The following RALYL variants were observed in gnomAD, a reference collection of about 807,000 sequenced individuals.
RALYL encodes the protein RALY RNA binding protein like.
A neutral mutation model predicts 35.1 loss-of-function variants in RALYL; 29 were observed. The observed-to-expected ratio is 0.83, with a 90% CI of 0.61 to 1.13. The LOEUF (loss-of-function observed/expected upper bound fraction) is 1.13. RALYL is among the 50% of genes most tolerant of loss of function. The probability of loss-of-function intolerance (pLI) is 0.00; values close to 1 mark genes in which losing one functional copy is unlikely to be tolerated. For missense variants in RALYL, 359 were observed against 360.4 expected (o/e 1.00, Z 0.03); for synonymous variants, 120 against 127.6 (o/e 0.94, Z 0.40).
At chr8:84,754,640 C>T (rs572506689) in intron 2 of RALYL, among the ~76,000 whole-genome samples, 2 of 152,294 alleles carry the variant, frequency 1.3e-5, no homozygotes, top group East Asian at 3.9e-4. Context: ...ACCATTCTCT[C>T]CTTTTTCAGT....
intron 2 of RALYL, among the ~76,000 whole-genome samples, chr8:84,626,265 C>T (rs1175951754): frequency 6.6e-6 from 1 of 152,164 alleles, no homozygotes; most frequent in East Asian, 1.9e-4. Flanking sequence ...GAATTCCAGG[C>T]TGTGCCACTA....
chr8:84,612,946 T>C (rs1818642093), intron 2 of RALYL, among the ~76,000 whole-genome samples: 2 of 151,768 alleles, frequency 1.3e-5, no homozygotes, highest in South Asian at 4.1e-4. Context: ...GTTTTCGTAG[T>C]AAAATTTACT....
chr8:84,790,665 C>G (rs1820559324), intron 3 of RALYL, among the ~76,000 whole-genome samples: 1 of 151,906 alleles, frequency 6.6e-6, no homozygotes, highest in African/African-American at 2.4e-5. Flanking sequence ...TTTAATTGAG[C>G]AAAAAACGAT....
Position 84,518,247 on chromosome 8 carries a change from C to A in RALYL, c.-23-11052C>A, listed in dbSNP as rs140049253. On this transcript the variant is annotated intron_variant, in intron 1 of 8. Transcript: ENST00000521268. ...AACCTTGACTAAGCTTAAACATTAG[C>A]TTTTATTAGAGAAAAAGCATCCATA... is the stretch of plus-strand genomic sequence containing the variant. Among the ~76,000 whole-genome samples the A allele has an allele frequency of 3.2e-3, 488 of 152,188 alleles. 4 individuals are homozygous for A. The highest frequency in any genetic ancestry group is 0.011 in the African/African-American group (476 of 41,518).
chr8:84,765,918 A>G (rs1437929852), intron 2 of RALYL, among the ~76,000 whole-genome samples: 1 of 152,036 alleles, frequency 6.6e-6, no homozygotes, highest in East Asian at 1.9e-4. Context: ...ACTTATTCAC[A>G]TTTAGAAGAT....
In RALYL at chr8:84,330,718, G is replaced by A. The variant is rs530650548; in HGVS notation, c.-24+146294G>A. Among the ~76,000 whole-genome samples, 38 of 152,048 alleles carry A rather than the reference G, an allele frequency of 2.5e-4. 2 individuals are homozygous for A. The South Asian group carries it at 5.8e-3, about 23-fold the overall frequency. On this transcript the variant is annotated intron_variant, in intron 1 of 8. Transcript: ENST00000521268. ...TTTGGCATTTCACAAAATTCTACCCGACTCACTTCCTTTGTCCAGCTTTCT... is the reference window on the plus strand; with the variant it reads ...TTTGGCATTTCACAAAATTCTACCCAACTCACTTCCTTTGTCCAGCTTTCT...
At chr8:84,196,772 C>T (rs1815404051) in intron 1 of RALYL, among the ~76,000 whole-genome samples, 1 of 152,172 alleles carries the variant, frequency 6.6e-6, no homozygotes, top group Non-Finnish European at 1.5e-5. Flanking sequence ...ATTTCAATTT[C>T]AGCTTTCACT....
intron 7 of RALYL, among the ~76,000 whole-genome samples, chr8:84,887,095 C>T (rs1843013705): frequency 6.8e-6 from 1 of 147,544 alleles, no homozygotes; most frequent in Admixed American, 6.7e-5. Context: ...GACATGTTGT[C>T]TGAAAAACAA....
At chr8:84,565,585 T>A (rs898389376) in intron 2 of RALYL, among the ~76,000 whole-genome samples, 8 of 151,590 alleles carry the variant, frequency 5.3e-5, no homozygotes, top group African/African-American at 1.9e-4. Context: ...TAGAATTTTT[T>A]TGAAAAATTA....
At chr8:84,890,505 T>G (rs1313527705) in intron 8 of RALYL, among the ~76,000 whole-genome samples, 1 of 152,180 alleles carries the variant, frequency 6.6e-6, no homozygotes, top group African/African-American at 2.4e-5. Flanking sequence ...CAAGAATTAA[T>G]AGAGTAGTAT....
chr8:84,310,004 G>T (rs572680641), intron 1 of RALYL, among the ~76,000 whole-genome samples: 2 of 152,016 alleles, frequency 1.3e-5, no homozygotes, highest in East Asian at 3.9e-4. Flanking sequence ...TGAAATTACA[G>T]GCGTGAGCCA....
chr8:84,514,686 A>T (rs1174952917), intron 1 of RALYL, among the ~76,000 whole-genome samples: 1 of 152,184 alleles, frequency 6.6e-6, no homozygotes, highest in African/African-American at 2.4e-5. Flanking sequence ...CTAAATTCCA[A>T]CATACAAATT....
intron 2 of RALYL, among the ~76,000 whole-genome samples, chr8:84,740,265 A>C (rs561623840): frequency 3.2e-4 from 48 of 152,126 alleles, no homozygotes; most frequent in Middle Eastern, 3.4e-3. Flanking sequence ...TGATTTCAAA[A>C]CTTGGAGCAA....
At chr8:84,400,121 G>GA (rs561838543) in intron 1 of RALYL, among the ~76,000 whole-genome samples, 89 of 147,820 alleles carry the variant, frequency 6.0e-4, no homozygotes, top group Admixed American at 1.8e-3. Flanking sequence ...GTCTCAAAAA[G>GA]AAAAAAAAAA....
At chr8:84,250,085 T>A (rs1443859762) in intron 1 of RALYL, among the ~76,000 whole-genome samples, 1 of 152,012 alleles carries the variant, frequency 6.6e-6, no homozygotes, top group African/African-American at 2.4e-5. Context: ...GCTGAGACAA[T>A]ACAGAAAGGA....
intron 2 of RALYL, among the ~76,000 whole-genome samples, chr8:84,567,014 T>G (rs764471458): frequency 1.3e-5 from 2 of 151,754 alleles, no homozygotes; most frequent in African/African-American, 2.4e-5. Context: ...TCATTTGTAT[T>G]GAATATGGAA....
intron 1 of RALYL, among the ~76,000 whole-genome samples, chr8:84,502,577 A>T (rs1292325232): frequency 6.6e-6 from 1 of 152,132 alleles, no homozygotes; most frequent in African/African-American, 2.4e-5. Context: ...TTGTAAAAAG[A>T]TGACTAAGAA....
chr8:84,710,979 T>A (rs1457586963), intron 2 of RALYL, among the ~76,000 whole-genome samples: 1 of 152,048 alleles, frequency 6.6e-6, no homozygotes, highest in Non-Finnish European at 1.5e-5. Flanking sequence ...AGTTTTGGAA[T>A]GTGGAGTGAG....
chr8:84,610,881 T>C (rs1818163824), intron 2 of RALYL, among the ~76,000 whole-genome samples: 1 of 152,134 alleles, frequency 6.6e-6, no homozygotes, highest in South Asian at 2.1e-4. Flanking sequence ...CATGTGTGTA[T>C]GTGTGTATAT....
Sources: allele counts gnomAD v4.1 joint callset (sites outside exome capture counted in the v4.1 genomes callset), GRCh38; gene constraint gnomAD v4.1.1; transcripts MANE v1.5; gene names NCBI Gene and HGNC (gene_info 2026-07-23, HGNC 2026-07-21).